The following GDF6 variants were observed in gnomAD, a reference collection of about 807,000 sequenced individuals.
GDF6 encodes growth differentiation factor 6, also known as growth/differentiation factor 6.
Under a neutral mutation model 32.4 loss-of-function variants are expected in GDF6, and 3 were observed. That is an observed-to-expected ratio of 0.09 (90% CI 0.04 to 0.24). The LOEUF is 0.24. Among genes scored for constraint, GDF6 ranks in the 10% least tolerant of loss-of-function variants. GDF6 has a pLI of 1.00. For synonymous variants in GDF6, 296 were observed against 295.3 expected (o/e 1.00, Z -0.03); for missense variants, 589 against 637.9 (o/e 0.92, Z 0.83).
At position 96,144,289 on chromosome 8, in the gene GDF6, AG is replaced by A. The variant is rs755082340; in HGVS notation, c.*273del. Reference sequence around the variant, plus strand: ...GAGAGAGAGAGAGAGAGAGAGAGAGAGAAAACAGAACAAAAGAAATCCTCCT... The same window carrying A: ...GAGAGAGAGAGAGAGAGAGAGAGAGAAAAACAGAACAAAAGAAATCCTCCT... On this transcript the variant is annotated 3_prime_UTR_variant, in exon 2 of 2. Coordinates refer to ENST00000287020, the MANE Select transcript of GDF6 (RefSeq NM_001001557.4). This position sits in a 1 kb window ranked among gnomAD's most constrained non-coding sequence, Gnocchi z 5.1. 1.6e-4 allele frequency: 77 copies of A among 495,802 alleles called. No homozygotes were observed. The highest frequency in any genetic ancestry group is 2.9e-4 in the South Asian group (14 of 47,472). 30.7% of individuals were successfully genotyped at this position (495,802 alleles called of 1,614,324 possible). A position where few individuals can be genotyped will look rare whatever the true frequency, so the allele number is the denominator to read the frequency against.
chr8:96,146,213 G>T (rs1812483689), intron 1 of GDF6, among the ~76,000 whole-genome samples: 1 of 152,116 alleles, frequency 6.6e-6, no homozygotes, highest in African/African-American at 2.4e-5. Context: ...CTACGACAGC[G>T]AATCTTAATC....
chr8:96,155,951 G>T (rs769063989), intron 1 of GDF6, among the ~76,000 whole-genome samples: 14 of 152,028 alleles, frequency 9.2e-5, no homozygotes, highest in Non-Finnish European at 1.3e-4. Context: ...AACTTCAATC[G>T]CGAGGGGACT....
At position 96,142,628 on chromosome 8, in the gene GDF6, G is replaced by A. The variant is rs1812391785; in HGVS notation, c.*1935C>T. ...ATATTAGAAATTATAACATTTGAGT[G>A]CATATAACGTTTTGTACATTAGGAT... On this transcript the variant is annotated 3_prime_UTR_variant, in exon 2 of 2. Coordinates refer to ENST00000287020, the MANE Select transcript of GDF6 (RefSeq NM_001001557.4). 4 of 152,628 alleles carry A rather than the reference G, an allele frequency of 2.6e-5. No homozygotes were observed. Among genetic ancestry groups the A allele is most frequent in the Admixed American group, 2.6e-4 (4 of 15,278 alleles). 9.5% of individuals were successfully genotyped at this position (152,628 alleles called of 1,614,324 possible).
chr8:96,159,414 T>C (rs1173225765), intron 1 of GDF6, among the ~76,000 whole-genome samples: 1 of 151,136 alleles, frequency 6.6e-6, no homozygotes, highest in Non-Finnish European at 1.5e-5. Flanking sequence ...GCCGCAAGGG[T>C]TTCCGCAGAC....
intron 1 of GDF6, among the ~76,000 whole-genome samples, chr8:96,152,174 T>C (rs1256226482): frequency 6.6e-6 from 1 of 152,210 alleles, no homozygotes; most frequent in Non-Finnish European, 1.5e-5. Context: ...TTCCTGCTTA[T>C]CTGAAGTCAA....
chr8:96,150,951 G>T (rs1812559424), intron 1 of GDF6, among the ~76,000 whole-genome samples: 1 of 152,162 alleles, frequency 6.6e-6, no homozygotes, highest in Admixed American at 6.5e-5. Flanking sequence ...GCACTGAGGG[G>T]GCAAAGTCCA....
intron 1 of GDF6, among the ~76,000 whole-genome samples, chr8:96,158,249 C>T (rs979687909): frequency 3.9e-5 from 6 of 152,170 alleles, no homozygotes; most frequent in African/African-American, 9.7e-5. Flanking sequence ...GAGGCCTCCC[C>T]AGACTGGGTG....
At chr8:96,155,233 A>G (rs907387247) in intron 1 of GDF6, among the ~76,000 whole-genome samples, 11 of 152,266 alleles carry the variant, frequency 7.2e-5, no homozygotes, top group African/African-American at 1.7e-4. Context: ...CTCCTTTGCC[A>G]AGGAAACTCG....
In GDF6 at chr8:96,145,613, G is replaced by C. The variant is rs1812466021; in HGVS notation, c.407-89C>G. The stretch of plus-strand genomic sequence containing the variant: ...GGCCGCCCCGGGAGGAAAAGGGCGG[G>C]GAGTGGGGGCAGGTCGGCCGGGCAG... On this transcript the variant is annotated intron_variant, in intron 1 of 1. Coordinates refer to ENST00000287020, the MANE Select transcript of GDF6 (RefSeq NM_001001557.4). The surrounding 1 kb of genome is among the most constrained non-coding windows in gnomAD (Gnocchi z 5.6). The C allele has an allele frequency of 6.5e-7, 1 of 1,530,862 alleles. No individual in the cohort carries two copies. Among genetic ancestry groups the C allele is most frequent in the African/African-American group, 1.4e-5 (1 of 73,574 alleles). 94.8% of individuals were successfully genotyped at this position (1,530,862 alleles called of 1,614,324 possible). A position where few individuals can be genotyped will look rare whatever the true frequency, so the allele number is the denominator to read the frequency against.
chr8:96,158,525 G>A (rs1054914066), intron 1 of GDF6, among the ~76,000 whole-genome samples: 1 of 152,196 alleles, frequency 6.6e-6, no homozygotes, highest in Non-Finnish European at 1.5e-5. Flanking sequence ...GAGGGGCAGA[G>A]ATTCTTGCCA....
chr8:96,159,369 G>A (rs1336936820), intron 1 of GDF6, among the ~76,000 whole-genome samples: 2 of 152,106 alleles, frequency 1.3e-5, no homozygotes, highest in East Asian at 3.9e-4. Flanking sequence ...GAGGGCACTG[G>A]CCACGCTGCA....
rs1812573101 is a variant in GDF6 at position 96,151,840 on chromosome 8, G to C, written c.407-6316C>G. On this transcript the variant is annotated intron_variant, in intron 1 of 1. Coordinates refer to ENST00000287020, the MANE Select transcript of GDF6 (RefSeq NM_001001557.4). Reference sequence around the variant, plus strand: ...CTTAGTGGCTGGGTGACCTTGGTTAGACTGGGTCGCATAATCTCTCCCAGC... The same window carrying C: ...CTTAGTGGCTGGGTGACCTTGGTTACACTGGGTCGCATAATCTCTCCCAGC... 2.0e-5 allele frequency among the ~76,000 whole-genome samples: 3 copies of C among 152,188 alleles called. No individual in the cohort carries two copies. The South Asian group carries it at 6.2e-4, about 31-fold the overall frequency.
chr8:96,146,428 G>A (rs112635205), intron 1 of GDF6, among the ~76,000 whole-genome samples: 6 of 152,022 alleles, frequency 3.9e-5, no homozygotes, highest in African/African-American at 9.7e-5. Context: ...CCCATCAGGC[G>A]GTTTTGGTGG....
chr8:96,148,240 A>G (rs1239051507), intron 1 of GDF6, among the ~76,000 whole-genome samples: 1 of 152,148 alleles, frequency 6.6e-6, no homozygotes. Flanking sequence ...AAGGGGCCTC[A>G]CCTGTGAGCA....
At chr8:96,156,464 C>T (rs1008193798) in intron 1 of GDF6, among the ~76,000 whole-genome samples, 2 of 151,700 alleles carry the variant, frequency 1.3e-5, no homozygotes, top group African/African-American at 4.8e-5. Context: ...TATCTCTCAG[C>T]CCTGCTAAAT....
Position 96,145,510 on chromosome 8 carries a change from T to C in GDF6, c.421A>G (p.Thr141Ala). ...AAATACTTCTGTCTCCGGAGAGGAG[T>C]GTGCGAGAGATCGTCTGCGAGATAA... ...VDRGLDDLSHTPLRRQKYLFD... is the reference protein window; with the variant it reads ...VDRGLDDLSHAPLRRQKYLFD... The change falls in exon 2 of 2, where the codon ACT (threonine) becomes GCT (alanine). Residue 141 changes from threonine to alanine, a missense_variant. Thr to Ala is a moderately conservative substitution (Grantham distance 58). This residue lies in a region of GDF6 where 436 missense variants were observed against 411.2 expected (regional missense o/e 1.06). Coordinates refer to ENST00000287020, the MANE Select transcript of GDF6 (RefSeq NM_001001557.4). The surrounding 1 kb of genome is among the most constrained non-coding windows in gnomAD (Gnocchi z 5.6). 6.3e-7 allele frequency: 1 copy of C among 1,597,674 alleles called. No individual in the cohort carries two copies. The highest frequency in any genetic ancestry group is 1.3e-5 in the African/African-American group (1 of 74,944).
chr8:96,153,344 C>T (rs1196718638), intron 1 of GDF6, among the ~76,000 whole-genome samples: 1 of 152,244 alleles, frequency 6.6e-6, no homozygotes, highest in East Asian at 1.9e-4. Context: ...TCAACGGGGT[C>T]CCATTCTGGG....
At chr8:96,147,739 C>T (rs933583659) in intron 1 of GDF6, among the ~76,000 whole-genome samples, 1 of 152,232 alleles carries the variant, frequency 6.6e-6, no homozygotes, top group Admixed American at 6.5e-5. Context: ...CACTGCCTCT[C>T]CACTGTAGTC....
intron 1 of GDF6, among the ~76,000 whole-genome samples, chr8:96,152,337 G>T (rs925268987): frequency 6.6e-6 from 1 of 152,188 alleles, no homozygotes; most frequent in Non-Finnish European, 1.5e-5. Flanking sequence ...AGCCCTTCTT[G>T]CAGGTTTCCT....
Sources: gnomAD v4.1 joint callset for allele counts (sites outside exome capture counted in the v4.1 genomes callset) on GRCh38, gnomAD v4.1.1 for gene constraint, gnomAD v4.1.1 regional missense constraint, Gnocchi (gnomAD v3.1) non-coding constraint, MANE v1.5 for transcripts, NCBI Gene and HGNC (gene_info 2026-07-23, HGNC 2026-07-21) for gene names.